The following PTPRM variants were observed in gnomAD, a reference collection of about 807,000 sequenced individuals.
PTPRM encodes protein tyrosine phosphatase receptor type M, also known as receptor-type tyrosine-protein phosphatase mu.
A neutral mutation model predicts 186.7 loss-of-function variants in PTPRM; 47 were observed. The observed-to-expected ratio is 0.25, with a 90% CI of 0.20 to 0.32. The LOEUF is 0.32. PTPRM is among the 10% of genes least tolerant of loss of function. The probability of loss-of-function intolerance (pLI) is 1.00; values close to 1 mark genes in which losing one functional copy is unlikely to be tolerated. For synonymous variants in PTPRM, 668 were observed against 674.9 expected (o/e 0.99, Z 0.16); for missense variants, 1,494 against 1,865.0 (o/e 0.80, Z 3.66).
intron 7 of PTPRM, among the ~76,000 whole-genome samples, chr18:8,050,261 G>T (rs146799218): frequency 1.5e-4 from 23 of 152,164 alleles, no homozygotes; most frequent in Non-Finnish European, 2.8e-4. Context: ...TAGTTGTGAC[G>T]TAATAATGGA....
intron 4 of PTPRM, among the ~76,000 whole-genome samples, chr18:7,922,888 G>A (rs1469813251): frequency 2.0e-5 from 3 of 152,120 alleles, no homozygotes; most frequent in Non-Finnish European, 4.4e-5. Context: ...GGATGTTTCC[G>A]TAAACTTGTT....
chr18:7,636,424 A>G (rs76104721), intron 1 of PTPRM, among the ~76,000 whole-genome samples: 5,762 of 152,200 alleles, frequency 0.038, 165 homozygotes, highest in South Asian at 0.13. Context: ...TTATTGTTCT[A>G]TTTCATTTAC....
Position 7,936,907 on chromosome 18 carries a change from A to C in PTPRM, c.663+10224A>C, listed in dbSNP as rs554899823. ...CCACTCCAGGGTCTCCTCTCTGCTGAGAGCTGAGCACTTGACTGGATGACC... is the reference window on the plus strand; with the variant it reads ...CCACTCCAGGGTCTCCTCTCTGCTGCGAGCTGAGCACTTGACTGGATGACC... On this transcript the variant is annotated intron_variant, in intron 5 of 32. Transcript: ENST00000580170. Among the ~76,000 whole-genome samples, 59 of 152,100 alleles carry C rather than the reference A, an allele frequency of 3.9e-4. 2 individuals carry two copies. Among genetic ancestry groups the C allele is most frequent in the Non-Finnish European group, 1.5e-5 (1 of 68,004 alleles).
chr18:7,684,300 A>T (rs538176303), intron 1 of PTPRM, among the ~76,000 whole-genome samples: 35 of 148,920 alleles, frequency 2.4e-4, no homozygotes, highest in Admixed American at 3.3e-4. Context: ...CATTTAAAAA[A>T]AAATAAATAA....
At chr18:7,784,467 C>T (rs552879387) in intron 2 of PTPRM, among the ~76,000 whole-genome samples, 1 of 152,238 alleles carries the variant, frequency 6.6e-6, no homozygotes, top group East Asian at 1.9e-4. Flanking sequence ...TCCTAAAACT[C>T]CTTTTATCCC....
chr18:7,773,345 C>T (rs2042417734), intron 1 of PTPRM, among the ~76,000 whole-genome samples: 1 of 152,108 alleles, frequency 6.6e-6, no homozygotes, highest in Admixed American at 6.5e-5. Context: ...ATGGTTTGTA[C>T]TGCATTTTGT....
chr18:7,837,669 C>G (rs1441503029), intron 2 of PTPRM, among the ~76,000 whole-genome samples: 1 of 152,146 alleles, frequency 6.6e-6, no homozygotes, highest in African/African-American at 2.4e-5. Context: ...AGGTGAACTC[C>G]TGACCTCAGG....
chr18:8,002,494 T>A (rs2083930479), intron 7 of PTPRM, among the ~76,000 whole-genome samples: 1 of 152,222 alleles, frequency 6.6e-6, no homozygotes, highest in Non-Finnish European at 1.5e-5. Flanking sequence ...ATGCAGAATG[T>A]TGGCAAGAAA....
chr18:8,003,288 A>T (rs1262222013), intron 7 of PTPRM, among the ~76,000 whole-genome samples: 1 of 152,184 alleles, frequency 6.6e-6, no homozygotes, highest in Non-Finnish European at 1.5e-5. Context: ...GCCTACGGCG[A>T]CATAAGACAA....
chr18:7,739,706 G>A (rs1310485027), intron 1 of PTPRM, among the ~76,000 whole-genome samples: 2 of 150,802 alleles, frequency 1.3e-5, no homozygotes, highest in African/African-American at 5.0e-5. Flanking sequence ...CGTCTTATGG[G>A]CCTGCTCCTT....
chr18:7,926,820 T>C, intron 5 of PTPRM, 137 bp downstream of exon 5: 1 of 497,562 alleles, frequency 2.0e-6, no homozygotes. Context: ...CCAGATTACT[T>C]AGTAATCTAT....
chr18:8,391,869 T>A (rs2095815011), intron 31 of PTPRM, among the ~76,000 whole-genome samples: 1 of 152,234 alleles, frequency 6.6e-6, no homozygotes, highest in African/African-American at 2.4e-5. Context: ...GAAAGTATAC[T>A]TTAAGTATCC....
intron 1 of PTPRM, among the ~76,000 whole-genome samples, chr18:7,595,794 T>C (rs914851866): frequency 1.3e-5 from 2 of 152,196 alleles, no homozygotes; most frequent in African/African-American, 2.4e-5. Context: ...CTGAGAATAT[T>C]TGAATTTGTG....
chr18:7,984,343 G>A (rs2082716766), intron 7 of PTPRM, among the ~76,000 whole-genome samples: 1 of 151,590 alleles, frequency 6.6e-6, no homozygotes, highest in Non-Finnish European at 1.5e-5. Context: ...AGGTTAAATG[G>A]TATTCAGAGG....
intron 7 of PTPRM, among the ~76,000 whole-genome samples, chr18:7,962,543 G>A (rs1463294035): frequency 3.3e-5 from 5 of 152,166 alleles, no homozygotes; most frequent in Non-Finnish European, 7.3e-5. Context: ...TTGCCTAGTG[G>A]TAACACTGGA....
rs573098621 is a variant in PTPRM, at chr18:8,024,468, G to A, written c.1133-45218G>A. Among the ~76,000 whole-genome samples the A allele has an allele frequency of 1.6e-4, 25 of 152,144 alleles. No individual in the cohort carries two copies. In the South Asian group the frequency reaches 2.5e-3, roughly 15 times the overall value. ...CATGGCTTGTTGGCAAGGTGACCACGTAATTTGTCATCTGAACAAAAGTGC... is the reference window on the plus strand; with the variant it reads ...CATGGCTTGTTGGCAAGGTGACCACATAATTTGTCATCTGAACAAAAGTGC... On this transcript the variant is annotated intron_variant, in intron 7 of 32. Transcript: ENST00000580170.
At chr18:7,913,903 T>G (rs141912394) in intron 4 of PTPRM, among the ~76,000 whole-genome samples, 1,970 of 152,280 alleles carry the variant, frequency 0.013, 19 homozygotes, top group South Asian at 0.033. Flanking sequence ...GACTGTCCTG[T>G]ATTATTACTT....
chr18:8,011,521 A>G (rs766804384), intron 7 of PTPRM, among the ~76,000 whole-genome samples: 4 of 152,134 alleles, frequency 2.6e-5, no homozygotes, highest in Non-Finnish European at 5.9e-5. Flanking sequence ...TTTACTTCTG[A>G]TACTTATTCA....
intron 1 of PTPRM, among the ~76,000 whole-genome samples, chr18:7,636,527 T>C (rs1395121679): frequency 1.3e-5 from 2 of 152,156 alleles, no homozygotes; most frequent in Non-Finnish European, 1.5e-5. Context: ...CAGAATTGCA[T>C]GGCCCTCCAT....
Sources: gnomAD v4.1 joint callset for allele counts (sites outside exome capture counted in the v4.1 genomes callset) on GRCh38, gnomAD v4.1.1 for gene constraint, MANE v1.5 for transcripts, NCBI Gene and HGNC (gene_info 2026-07-23, HGNC 2026-07-21) for gene names.